KDM6A: variants seen among roughly 807,000 people sequenced by gnomAD.
KDM6A encodes the protein lysine-specific demethylase 6A.
A neutral mutation model predicts 117.6 loss-of-function variants in KDM6A; 11 were observed. The observed-to-expected ratio is 0.09, with a 90% CI of 0.06 to 0.15. The LOEUF (loss-of-function observed/expected upper bound fraction) is 0.15, where lower values mean the gene tolerates loss of function less well. Among genes scored for constraint, KDM6A ranks in the 10% least tolerant of loss-of-function variants. The pLI is 1.00. For missense variants in KDM6A, 799 were observed against 1,077.3 expected (o/e 0.74, Z 3.62); for synonymous variants, 384 against 396.1 (o/e 0.97, Z 0.36).
chrX:44,895,282 T>G (rs954894792), intron 2 of KDM6A, among the ~76,000 whole-genome samples: 6 of 106,817 alleles, frequency 5.6e-5, no homozygotes, highest in Admixed American at 1.0e-4. Flanking sequence ...ATTTTTTTTA[T>G]TTTTGCATTT....
chrX:44,906,942 A>G (rs2034713526), intron 2 of KDM6A, among the ~76,000 whole-genome samples: 1 of 111,297 alleles, frequency 9.0e-6, no homozygotes, highest in African/African-American at 3.3e-5. Context: ...TCTCTTATTT[A>G]TCATCACATT....
chrX:44,949,746 A>G (rs927873745), intron 2 of KDM6A, among the ~76,000 whole-genome samples: 1 of 112,140 alleles, frequency 8.9e-6, no homozygotes, highest in Non-Finnish European at 1.9e-5. Context: ...CTTTGCTACC[A>G]AAGATATTAA....
rs1475117728 is a variant in KDM6A, at chrX:44,901,539, T to C, written c.225+27552T>C. ...TGGAGTCTTCTATTTTCTTGTGATC[T>C]GCTGTCTGATTATTGAAAGTTAAGT... On this transcript the variant is annotated intron_variant, in intron 2 of 29. Coordinates refer to ENST00000611820, the MANE Select transcript of KDM6A (RefSeq NM_001291415.2). Among the ~76,000 whole-genome samples the C allele has an allele frequency of 2.7e-5, 3 of 111,210 alleles. No individual in the cohort carries two copies. The Admixed American group carries it at 2.9e-4, about 11-fold the overall frequency.
intron 2 of KDM6A, among the ~76,000 whole-genome samples, chrX:44,927,294 A>G (rs1230926808): frequency 2.7e-5 from 3 of 111,256 alleles, no homozygotes; most frequent in Non-Finnish European, 5.6e-5. Context: ...GAATATTTTC[A>G]ATATGCAGTT....
chrX:45,053,804 A>C (rs1477030661), intron 9 of KDM6A, 25 bp from the exon 10 acceptor site: 9 of 1,143,092 alleles, frequency 7.9e-6, no homozygotes, highest in Non-Finnish European at 1.1e-5. Flanking sequence ...CATTTATGTA[A>C]ATTTTTTTAA....
intron 5 of KDM6A, among the ~76,000 whole-genome samples, chrX:45,013,458 A>G (rs1479611826): frequency 8.9e-6 from 1 of 112,020 alleles, no homozygotes; most frequent in East Asian, 2.8e-4. Flanking sequence ...TAATGAGGTG[A>G]ACCTGTCAAT....
At chrX:44,882,884 A>G (rs2032441858) in intron 2 of KDM6A, among the ~76,000 whole-genome samples, 2 of 111,272 alleles carry the variant, frequency 1.8e-5, no homozygotes, top group South Asian at 7.5e-4. Context: ...AGACTGAGTG[A>G]TCATATGATG....
chrX:45,014,401 A>G (rs1442370483), intron 5 of KDM6A, among the ~76,000 whole-genome samples: 1 of 111,678 alleles, frequency 9.0e-6, no homozygotes, highest in Non-Finnish European at 1.9e-5. Flanking sequence ...TCCTCATTGG[A>G]CTTACGGTAA....
At chrX:45,076,257 A>T (rs1197217789) in intron 18 of KDM6A, among the ~76,000 whole-genome samples, 1 of 111,456 alleles carries the variant, frequency 9.0e-6, no homozygotes, top group East Asian at 2.8e-4. Flanking sequence ...TGTTACAAAG[A>T]TATTCTGATT....
chrX:44,949,703 T>A lies in KDM6A; in HGVS notation c.226-11581T>A, dbSNP rs771600201. Among the ~76,000 whole-genome samples, 3 of 112,202 alleles carry A rather than the reference T, an allele frequency of 2.7e-5. No individual in the cohort carries two copies. In the South Asian group the frequency reaches 1.1e-3, roughly 41 times the overall value. ...GCTTTTTCCTTTTTATGTGCATTTATTTAAAAATGTGTGTAAGGCAAAGGA... is the reference window on the plus strand; with the variant it reads ...GCTTTTTCCTTTTTATGTGCATTTAATTAAAAATGTGTGTAAGGCAAAGGA... On this transcript the variant is annotated intron_variant, in intron 2 of 29. Coordinates refer to ENST00000611820, the MANE Select transcript of KDM6A (RefSeq NM_001291415.2).
intron 4 of KDM6A, among the ~76,000 whole-genome samples, chrX:44,985,024 T>C (rs1165000320): frequency 2.7e-5 from 3 of 110,248 alleles, no homozygotes; most frequent in South Asian, 7.9e-4. Flanking sequence ...TTTCACGATA[T>C]TGATTCTTCC....
At chrX:44,915,534 T>C (rs2051195235) in intron 2 of KDM6A, among the ~76,000 whole-genome samples, 1 of 112,269 alleles carries the variant, frequency 8.9e-6, no homozygotes, top group African/African-American at 3.2e-5. Flanking sequence ...TACGCTCTTA[T>C]CCACGGTTTC....
chrX:44,912,214 G>A (rs950419954), intron 2 of KDM6A, among the ~76,000 whole-genome samples: 1 of 110,430 alleles, frequency 9.1e-6, no homozygotes, highest in South Asian at 3.9e-4. Context: ...TCAGCCTCCC[G>A]AGTAGCTGGG....
chrX:44,986,949 C>G (rs1313237193), intron 4 of KDM6A, among the ~76,000 whole-genome samples: 1 of 111,172 alleles, frequency 9.0e-6, no homozygotes, highest in African/African-American at 3.3e-5. Flanking sequence ...GAGCTGAGTT[C>G]AATTCCTGGA....
chrX:44,950,077 C>T (rs1347722876), intron 2 of KDM6A, among the ~76,000 whole-genome samples: 1 of 108,800 alleles, frequency 9.2e-6, no homozygotes, highest in Non-Finnish European at 1.9e-5. Context: ...AATGCAGTGG[C>T]GCGATCTCTG....
chrX:45,079,163 A>G lies in KDM6A; in HGVS notation c.3112A>G (p.Thr1038Ala), dbSNP rs2148118078. The change falls in exon 21 of 30, where the codon ACT becomes GCT. Residue 1038 changes from threonine to alanine, a missense_variant. Thr to Ala is a moderately conservative substitution (Grantham distance 58, BLOSUM62 0). Coordinates refer to ENST00000611820, the MANE Select transcript of KDM6A (RefSeq NM_001291415.2). Reference protein sequence around the residue: ...ALKLDLGLFSTKTLVEANNEH... With the variant: ...ALKLDLGLFSAKTLVEANNEH... ...TCATGAAGACCTGGGACTTTTCTCT[A>G]CTAAAACTTTGGTGGAAGCTAACAA... is the stretch of plus-strand genomic sequence containing the variant. 1 of 1,207,186 alleles carries G rather than the reference A, an allele frequency of 8.3e-7. No individual in the cohort carries two copies. The highest frequency in any genetic ancestry group is 1.1e-6 in the Non-Finnish European group (1 of 891,377).
intron 2 of KDM6A, among the ~76,000 whole-genome samples, chrX:44,906,382 C>A (rs2034660771): frequency 9.1e-6 from 1 of 110,141 alleles, no homozygotes; most frequent in Admixed American, 9.7e-5. Context: ...AACTCCTGAG[C>A]TCAAGTGATG....
intron 17 of KDM6A, among the ~76,000 whole-genome samples, chrX:45,066,914 A>G (rs1017342491): frequency 6.2e-5 from 7 of 112,151 alleles, no homozygotes; most frequent in African/African-American, 2.3e-4. Flanking sequence ...GAACTTTACA[A>G]TTTAAGTAAT....
In KDM6A at chrX:44,991,843, C is replaced by T. The variant is rs764565344; in HGVS notation, c.384+17128C>T. Among the ~76,000 whole-genome samples, 12 of 97,941 alleles carry T rather than the reference C, an allele frequency of 1.2e-4. No homozygotes were observed. In the South Asian group the frequency reaches 1.7e-3, roughly 14 times the overall value. The allele number at this position is 97,941 out of a possible 115,157, so 85.0% of individuals were successfully genotyped here. A position where few individuals can be genotyped will look rare whatever the true frequency, so the allele number is the denominator to read the frequency against. On this transcript the variant is annotated intron_variant, in intron 4 of 29. Transcript: ENST00000611820. ...CTGGGATTACAGCTGTGCACCACTA[C>T]GCCTGACTAATTTTTTTTTTGTATT... is the stretch of plus-strand genomic sequence containing the variant.
Sources: allele counts gnomAD v4.1 joint callset (sites outside exome capture counted in the v4.1 genomes callset), GRCh38; gene constraint gnomAD v4.1.1; transcripts MANE v1.5; gene names NCBI Gene and HGNC (gene_info 2026-07-23, HGNC 2026-07-21).